Variants in DNAH9 observed in about 807,000 individuals in gnomAD.
DNAH9 encodes DNAH9 variant protein.
A neutral mutation model predicts 471.6 loss-of-function variants in DNAH9; 345 were observed. The ratio of observed to expected loss-of-function variants is 0.73; its 90% confidence interval spans 0.67 to 0.80. The LOEUF is 0.80. Among genes scored for constraint, DNAH9 ranks in the 30% least tolerant of loss-of-function variants. The pLI is 0.00. For missense variants in DNAH9, 5,407 were observed against 5,609.2 expected, an observed-to-expected ratio of 0.96 and a Z score of 1.15; for synonymous variants, 2,093 against 2,123.6, an observed-to-expected ratio of 0.99 and a Z score of 0.40.
At chr17:11,863,957 C>A (rs1025082890) in intron 50 of DNAH9, among the ~76,000 whole-genome samples, 7 of 151,862 alleles carry the variant, frequency 4.6e-5, no homozygotes, top group Non-Finnish European at 1.0e-4. Flanking sequence ...TTTTGTGGAT[C>A]CTTTCAAAAA....
chr17:11,912,643 C>A (rs1973827272), intron 61 of DNAH9, among the ~76,000 whole-genome samples: 1 of 152,066 alleles, frequency 6.6e-6, no homozygotes, highest in East Asian at 1.9e-4. Context: ...ACCTTGCATT[C>A]CTAGGATCTC....
chr17:11,840,280 G>A (rs183372013), intron 49 of DNAH9, among the ~76,000 whole-genome samples: 34 of 152,260 alleles, frequency 2.2e-4, no homozygotes, highest in African/African-American at 7.9e-4. Context: ...ACACTGTATG[G>A]TCTCACATGT....
chr17:11,896,535 C>G (rs1412569037), intron 59 of DNAH9, among the ~76,000 whole-genome samples: 1 of 152,134 alleles, frequency 6.6e-6, no homozygotes. Context: ...TGGGCCCAAT[C>G]TGGTGAATGA....
chr17:11,733,650 C>G (rs1177106771), intron 28 of DNAH9, among the ~76,000 whole-genome samples: 1 of 151,938 alleles, frequency 6.6e-6, no homozygotes, highest in Non-Finnish European at 1.5e-5. Context: ...AGGAGATTGA[C>G]CTGGCTAACA....
At position 11,930,032 on chromosome 17, in the gene DNAH9, C is replaced by T. The variant is rs368500677; in HGVS notation, c.12044C>T (p.Thr4015Ile). 11 of 1,614,136 alleles carry T rather than the reference C, an allele frequency of 6.8e-6. No individual in the cohort carries two copies. The highest frequency in any genetic ancestry group is 9.3e-6 in the Non-Finnish European group (11 of 1,180,020). The part of the protein sequence containing the change: ...QGILENSIKI[T>I]NEPPTGMHAN... ...ATCCTGGAGAACTCCATTAAGATCA[C>T]CAATGAGCCCCCCACGGGCATGCAT... The change falls in exon 63 of 69, where the codon ACC becomes ATC. Residue 4015 changes from threonine to isoleucine, a missense_variant. Physicochemically the swap from Thr to Ile is moderately conservative, Grantham distance 89. Coordinates refer to ENST00000262442, the MANE Select transcript of DNAH9 (RefSeq NM_001372.4).
intron 66 of DNAH9, among the ~76,000 whole-genome samples, chr17:11,941,705 TA>T (rs1974915257): frequency 1.0e-5 from 1 of 99,054 alleles, no homozygotes; most frequent in Non-Finnish European, 2.2e-5. Context: ...GATAGATAGA[TA>T]GATAGATAGA....
Position 11,774,617 on chromosome 17 carries a change from A to G in DNAH9, c.7552+5288A>G, listed in dbSNP as rs528165419. On this transcript the variant is annotated intron_variant, in intron 38 of 68. Transcript: ENST00000262442. Reference sequence around the variant, plus strand: ...ACAGGAAACCCGTCCTCATGATTCAATTACCTCCCACCAGGTAGGACACGT... The same window carrying G: ...ACAGGAAACCCGTCCTCATGATTCAGTTACCTCCCACCAGGTAGGACACGT... Among the ~76,000 whole-genome samples the G allele has an allele frequency of 1.1e-4, 16 of 152,278 alleles. No individual in the cohort carries two copies. In the South Asian group the frequency reaches 2.9e-3, roughly 28 times the overall value.
Position 11,719,177 on chromosome 17 carries a change from A to C in DNAH9, c.5553-157A>C, listed in dbSNP as rs12945437. ...AGCACTGTGATGAGCTTGCCCGCTA[A>C]AGAGTCCTCCCCACAGTGCTGTGGG... On this transcript the variant is annotated intron_variant, in intron 26 of 68. Transcript: ENST00000262442. Among the ~76,000 whole-genome samples, 1,148 of 152,044 alleles carry C rather than the reference A, an allele frequency of 7.6e-3. 15 individuals carry two copies. Among genetic ancestry groups the C allele is most frequent in the African/African-American group, 0.026 (1,062 of 41,418 alleles).
intron 41 of DNAH9, among the ~76,000 whole-genome samples, chr17:11,791,734 T>G (rs1969073019): frequency 6.6e-6 from 1 of 151,974 alleles, no homozygotes; most frequent in African/African-American, 2.4e-5. Context: ...TAAAAATAAT[T>G]TGGGAAACTA....
At chr17:11,644,487 C>T in intron 10 of DNAH9, 144 bp from the exon 11 acceptor site, 1 of 613,188 alleles carries the variant, frequency 1.6e-6, no homozygotes, top group Non-Finnish European at 2.8e-6. Context: ...AAGATGTTCG[C>T]GAAGAAGAAA....
At chr17:11,790,590 C>T (rs1051218505) in intron 41 of DNAH9, among the ~76,000 whole-genome samples, 3 of 151,982 alleles carry the variant, frequency 2.0e-5, no homozygotes, top group African/African-American at 2.4e-5. Flanking sequence ...AAGCAGCATA[C>T]GGTTGGGTTC....
At chr17:11,914,144 T>C (rs1053675387) in intron 61 of DNAH9, among the ~76,000 whole-genome samples, 5 of 152,236 alleles carry the variant, frequency 3.3e-5, no homozygotes, top group Non-Finnish European at 7.3e-5. Flanking sequence ...AGAAGAATGT[T>C]CTTAGCACAG....
At chr17:11,687,100 G>T (rs1459880790) in intron 19 of DNAH9, among the ~76,000 whole-genome samples, 1 of 152,058 alleles carries the variant, frequency 6.6e-6, no homozygotes, top group East Asian at 1.9e-4. Flanking sequence ...CCTCATAAGG[G>T]AGAAAGCTCC....
chr17:11,797,573 C>T (rs778247930), intron 42 of DNAH9, 24 bp from the exon 43 acceptor site: 1 of 1,591,804 alleles, frequency 6.3e-7, no homozygotes, highest in Non-Finnish European at 8.6e-7. Flanking sequence ...AATGAGGGCC[C>T]TTATTCCTGT....
At chr17:11,893,758 G>A (rs2151005848) in intron 58 of DNAH9, among the ~76,000 whole-genome samples, 1 of 152,300 alleles carries the variant, frequency 6.6e-6, no homozygotes, top group African/African-American at 2.4e-5. Flanking sequence ...AATACCTAAG[G>A]CATGCAGGGC....
chr17:11,873,240 G>A (rs2150987568), intron 52 of DNAH9, among the ~76,000 whole-genome samples: 2 of 152,342 alleles, frequency 1.3e-5, no homozygotes, highest in South Asian at 2.1e-4. Context: ...CTCAGTAGCA[G>A]CTTAGTGAGG....
intron 28 of DNAH9, among the ~76,000 whole-genome samples, chr17:11,736,557 T>C (rs1053456696): frequency 6.6e-6 from 1 of 152,238 alleles, no homozygotes; most frequent in Non-Finnish European, 1.5e-5. Context: ...TCTTGGACCC[T>C]GATCATTGTT....
chr17:11,781,320 T>C (rs1968657705), intron 39 of DNAH9, 146 bp downstream of exon 39: 2 of 850,380 alleles, frequency 2.4e-6, no homozygotes, highest in Non-Finnish European at 3.4e-6. Flanking sequence ...CATTTCTCAT[T>C]CAATTCTCTA....
chr17:11,651,950 G>A (rs1179308298), intron 13 of DNAH9, among the ~76,000 whole-genome samples: 2 of 152,070 alleles, frequency 1.3e-5, no homozygotes, highest in African/African-American at 4.8e-5. Flanking sequence ...GGGAATCACA[G>A]GAGAGGGAGA....
Sources: allele counts gnomAD v4.1 joint callset (sites outside exome capture counted in the v4.1 genomes callset), GRCh38; gene constraint gnomAD v4.1.1; transcripts MANE v1.5; gene names NCBI Gene and HGNC (gene_info 2026-07-23, HGNC 2026-07-21).